DRAM1: variants seen among roughly 807,000 people sequenced by gnomAD.
The protein encoded by DRAM1 is DNA damage-regulated autophagy modulator protein 1.
DRAM1 carries 25 observed loss-of-function variants against 28.5 expected under a neutral mutation model. The ratio of observed to expected loss-of-function variants is 0.88; its 90% CI spans 0.64 to 1.23. The LOEUF is 1.23. Ranked by LOEUF, DRAM1 falls within the 50% of genes most tolerant of loss-of-function variation. DRAM1 has a pLI of 0.00. For synonymous variants in DRAM1, 113 were observed against 114.2 expected (o/e 0.99, Z 0.07); for missense variants, 249 against 299.2 (o/e 0.83, Z 1.24).
chr12:101,918,182 C>T (rs904464359), intron 5 of DRAM1, among the ~76,000 whole-genome samples: 3 of 152,314 alleles, frequency 2.0e-5, no homozygotes, highest in East Asian at 1.9e-4. Flanking sequence ...TGCTTTACAG[C>T]TTTCACAGCA....
intron 5 of DRAM1, among the ~76,000 whole-genome samples, chr12:101,917,730 C>G (rs138616710): frequency 6.6e-6 from 1 of 151,156 alleles, no homozygotes; most frequent in East Asian, 1.9e-4. Context: ...AAAATCTAAC[C>G]TTAAAATGGT....
chr12:101,898,821 T>G (rs1873486521), intron 2 of DRAM1, among the ~76,000 whole-genome samples: 1 of 152,212 alleles, frequency 6.6e-6, no homozygotes, highest in South Asian at 2.1e-4. Flanking sequence ...AGTATGATTT[T>G]TCTTTTCAGT....
intron 1 of DRAM1, among the ~76,000 whole-genome samples, chr12:101,897,048 A>G (rs1873403299): frequency 1.3e-5 from 2 of 152,028 alleles, no homozygotes; most frequent in South Asian, 4.1e-4. Context: ...CAGCCTCCCA[A>G]AGTGCTGGGA....
rs34825466 is a variant in DRAM1 at position 101,888,786 on chromosome 12, A to ATT, written c.132-9048_132-9047dup. Among the ~76,000 whole-genome samples, 55 of 107,984 alleles carry ATT rather than the reference A, an allele frequency of 5.1e-4. 4 individuals are homozygous for ATT. The highest frequency in any genetic ancestry group is 1.3e-3 in the South Asian group (5 of 3,868). The allele number at this position is 107,984 out of a possible 152,430, so 70.8% of individuals were successfully genotyped here. The stretch of plus-strand genomic sequence containing the variant: ...GGGCTGATGACTTTCAAACATCTCA[A>ATT]TTTTTTTTTTTTTTTTTTTTTTTTT... On this transcript the variant is annotated intron_variant, in intron 1 of 6. Coordinates refer to ENST00000258534, the MANE Select transcript of DRAM1 (RefSeq NM_018370.3).
At chr12:101,887,532 C>CTTTTTTT in intron 1 of DRAM1, among the ~76,000 whole-genome samples, 1 of 143,840 alleles carries the variant, frequency 7.0e-6, no homozygotes. Context: ...AGACTTTTTT[C>CTTTTTTT]TTTTTCTTTT....
intron 1 of DRAM1, among the ~76,000 whole-genome samples, chr12:101,881,354 A>G (rs1872679864): frequency 1.2e-5 from 1 of 82,318 alleles, no homozygotes. Flanking sequence ...ATTCAACCTT[A>G]TCCCTTTTTG....
chr12:101,909,801 T>TA (rs1366862142), intron 4 of DRAM1, among the ~76,000 whole-genome samples: 5 of 152,174 alleles, frequency 3.3e-5, no homozygotes, highest in Non-Finnish European at 5.9e-5. Context: ...TTTAATGAAG[T>TA]ATTTAACAAA....
chr12:101,912,920 G>T (rs1430312557), intron 4 of DRAM1, among the ~76,000 whole-genome samples: 1 of 151,978 alleles, frequency 6.6e-6, no homozygotes, highest in Non-Finnish European at 1.5e-5. Flanking sequence ...TAGAGACTGG[G>T]TTTCACCATG....
intron 1 of DRAM1, among the ~76,000 whole-genome samples, chr12:101,878,801 T>C (rs1267202473): frequency 6.6e-6 from 1 of 152,142 alleles, no homozygotes; most frequent in African/African-American, 2.4e-5. Flanking sequence ...ATAAGGTTGG[T>C]GACACCCAAG....
chr12:101,916,301 C>A (rs1384398261), intron 5 of DRAM1, among the ~76,000 whole-genome samples: 1 of 152,170 alleles, frequency 6.6e-6, no homozygotes, highest in East Asian at 1.9e-4. Flanking sequence ...TTGCTTGAGT[C>A]CAGGAGATGA....
intron 1 of DRAM1, among the ~76,000 whole-genome samples, chr12:101,881,822 C>T (rs1005167905): frequency 1.3e-5 from 2 of 152,222 alleles, no homozygotes; most frequent in Non-Finnish European, 2.9e-5. Context: ...TTCACCACAG[C>T]ACGTATCACC....
chr12:101,877,708 G>A lies in DRAM1; in HGVS notation c.-82G>A, dbSNP rs1566117100. ...CACCGTCCGTGAGTGTACGCGCCCGGCCGCCGCCTCCAGGCAGCCCGGAGC... is the reference window on the plus strand; with the variant it reads ...CACCGTCCGTGAGTGTACGCGCCCGACCGCCGCCTCCAGGCAGCCCGGAGC... On this transcript the variant is annotated 5_prime_UTR_variant, in exon 1 of 7. Transcript: ENST00000258534. This position sits in a 1 kb window ranked among gnomAD's most constrained non-coding sequence, Gnocchi z 4.1. 2.6e-6 allele frequency: 3 copies of A among 1,164,564 alleles called. No individual in the cohort carries two copies. The highest frequency in any genetic ancestry group is 4.4e-5 in the Admixed American group (1 of 22,660). 72.1% of individuals were successfully genotyped at this position (1,164,564 alleles called of 1,614,324 possible). A position where few individuals can be genotyped will look rare whatever the true frequency, so the allele number is the denominator to read the frequency against.
At chr12:101,906,099 T>C (rs570323956) in intron 3 of DRAM1, among the ~76,000 whole-genome samples, 1 of 152,200 alleles carries the variant, frequency 6.6e-6, no homozygotes, top group South Asian at 2.1e-4. Context: ...ATGCAAGGTA[T>C]CTTAGGTATA....
At chr12:101,902,805 C>A (rs1873654100) in intron 3 of DRAM1, among the ~76,000 whole-genome samples, 1 of 152,196 alleles carries the variant, frequency 6.6e-6, no homozygotes, top group Admixed American at 6.5e-5. Flanking sequence ...ATCTTTACAA[C>A]TTCCTTGTTT....
chr12:101,902,639 G>T (rs1873648836), intron 3 of DRAM1, among the ~76,000 whole-genome samples: 1 of 152,092 alleles, frequency 6.6e-6, no homozygotes, highest in Admixed American at 6.6e-5. Context: ...ACCATTTAAG[G>T]GCTGACTTTA....
At chr12:101,895,215 T>A (rs1350143534) in intron 1 of DRAM1, among the ~76,000 whole-genome samples, 3 of 105,974 alleles carry the variant, frequency 2.8e-5, no homozygotes, top group African/African-American at 1.1e-4. Context: ...TTTTTTTTTT[T>A]TACCCAGGCT....
At chr12:101,892,565 C>T (rs1430278743) in intron 1 of DRAM1, among the ~76,000 whole-genome samples, 1 of 152,052 alleles carries the variant, frequency 6.6e-6, no homozygotes, top group African/African-American at 2.4e-5. Flanking sequence ...AGCCTTCTTT[C>T]ATCTTTAAAA....
chr12:101,884,232 A>G (rs1373134297), intron 1 of DRAM1, among the ~76,000 whole-genome samples: 2 of 151,530 alleles, frequency 1.3e-5, no homozygotes, highest in African/African-American at 4.9e-5. Context: ...TACAATACAT[A>G]CAAAAAATTA....
rs1337679991 is a variant in DRAM1, at chr12:101,922,516, G to A, written c.*1256G>A. On this transcript the variant is annotated 3_prime_UTR_variant, in exon 7 of 7. Transcript: ENST00000258534. ...AGCTTCGGAGGGCATGGGGGTGTAGGGAGTTCGGGGTAGCTCCTCATTAAC... is the reference window on the plus strand; with the variant it reads ...AGCTTCGGAGGGCATGGGGGTGTAGAGAGTTCGGGGTAGCTCCTCATTAAC... 1 of 150,412 alleles carries A rather than the reference G, an allele frequency of 6.6e-6. No homozygotes were observed. Among genetic ancestry groups the A allele is most frequent in the Non-Finnish European group, 1.5e-5 (1 of 67,898 alleles). The allele number at this position is 150,412 out of a possible 1,614,324, so 9.3% of individuals were successfully genotyped here. A position where few individuals can be genotyped will look rare whatever the true frequency, so the allele number is the denominator to read the frequency against.
Sources: gnomAD v4.1 joint callset for allele counts (sites outside exome capture counted in the v4.1 genomes callset) on GRCh38, gnomAD v4.1.1 for gene constraint, Gnocchi (gnomAD v3.1) non-coding constraint, MANE v1.5 for transcripts, NCBI Gene and HGNC (gene_info 2026-07-23, HGNC 2026-07-21) for gene names.